CASP10: variants seen among roughly 807,000 people sequenced by gnomAD.
CASP10 encodes caspase-10.
CASP10 carries 41 observed loss-of-function variants against 48.5 expected under a neutral mutation model. The ratio of observed to expected loss-of-function variants is 0.85; its 90% CI spans 0.66 to 1.10. The LOEUF (loss-of-function observed/expected upper bound fraction) is 1.10. Ranked by LOEUF, CASP10 falls within the 50% of genes least tolerant of loss-of-function variation. The pLI is 0.00. For missense variants in CASP10, 614 were observed against 614.5 expected (o/e 1.00, Z 0.01); for synonymous variants, 232 against 238.4 (o/e 0.97, Z 0.25).
At chr2:201,208,985 A>G in intron 8 of CASP10, 85 bp from the exon 9 acceptor site, 1 of 1,467,592 alleles carries the variant, frequency 6.8e-7, no homozygotes, top group Non-Finnish European at 9.3e-7. Flanking sequence ...GCCTTGTTTC[A>G]GTTCTTCATT....
intron 7 of CASP10, 47 bp from the exon 8 acceptor site, chr2:201,208,028 G>T (rs201083784): frequency 7.5e-7 from 1 of 1,341,748 alleles, no homozygotes; most frequent in Non-Finnish European, 1.1e-6. Flanking sequence ...AACATTTAAG[G>T]CCCTAAGATA....
Position 201,208,162 on chromosome 2 carries a change from C to A in CASP10, c.901C>A (p.Gln301Lys), listed in dbSNP as rs936253557. 4 of 1,613,716 alleles carry A rather than the reference C, an allele frequency of 2.5e-6. No individual in the cohort carries two copies. Among genetic ancestry groups the A allele is most frequent in the Non-Finnish European group, 3.4e-6 (4 of 1,179,792 alleles). The change falls in exon 8 of 10, where the codon CAA becomes AAA. Residue 301 changes from glutamine to lysine, a missense_variant. Coordinates refer to ENST00000286186, the MANE Select transcript of CASP10 (RefSeq NM_032977.4). ...NHSFTSLKDR[Q>K]GTHKDAEILS... ...CAGCTTTACCTCCCTGAAGGACAGA[C>A]AAGGAACCCATAAAGATGCTGGTAA...
In CASP10 at chr2:201,208,075, A is replaced by G. The variant is rs767555790; in HGVS notation, c.814A>G (p.Arg272Gly). 2 of 1,611,284 alleles carry G rather than the reference A, an allele frequency of 1.2e-6. No homozygotes were observed. Among genetic ancestry groups the G allele is most frequent in the Non-Finnish European group, 1.7e-6 (2 of 1,177,644 alleles). Residue 272 changes from arginine (R) to glycine (G), a missense_variant and splice_region_variant, in exon 8 of 10, where the codon AGG becomes GGG. Transcript: ENST00000286186. Reference sequence around the variant, plus strand: ...TAAGTGGCTCTATCTATTCTTCAAGAGGGCAGCTGTGTACAGGATGAATCG... The same window carrying G: ...TAAGTGGCTCTATCTATTCTTCAAGGGGGCAGCTGTGTACAGGATGAATCG... ...NTLNSETSTK[R>G]AAVYRMNRNH...
At chr2:201,209,042 T>TC (rs764467369) in intron 8 of CASP10, 28 bp from the exon 9 acceptor site, 340 of 336,088 alleles carry the variant, frequency 1.0e-3, no homozygotes, top group African/African-American at 4.9e-3. Flanking sequence ...TCTCTCTCTC[T>TC]TTTTTTTTTT....
rs1286201911 is a variant in CASP10, at chr2:201,219,516, C to T, written c.*1775C>T. On this transcript the variant is annotated 3_prime_UTR_variant, in exon 10 of 10. Transcript: ENST00000286186. ...GCAGTGGACAGTCCCCACCTTGTTACTGCTACTACACTTTGCTCCTCTGGC... is the reference window on the plus strand; with the variant it reads ...GCAGTGGACAGTCCCCACCTTGTTATTGCTACTACACTTTGCTCCTCTGGC... 17 of 985,386 alleles carry T rather than the reference C, an allele frequency of 1.7e-5. No homozygotes were observed. Among genetic ancestry groups the T allele is most frequent in the Non-Finnish European group, 2.0e-5 (17 of 829,948 alleles). The allele number at this position is 985,386 out of a possible 1,614,324, so 61.0% of individuals were successfully genotyped here. A position where few individuals can be genotyped will look rare whatever the true frequency, so the allele number is the denominator to read the frequency against.
At chr2:201,197,987 C>T (rs1352740313) in intron 5 of CASP10, among the ~76,000 whole-genome samples, 1 of 152,296 alleles carries the variant, frequency 6.6e-6, no homozygotes, top group Non-Finnish European at 1.5e-5. Flanking sequence ...GTGCACACAT[C>T]CTCAGCAACA....
chr2:201,217,221 G>C (rs1198692757), intron 9 of CASP10, among the ~76,000 whole-genome samples: 2 of 152,096 alleles, frequency 1.3e-5, no homozygotes, highest in Non-Finnish European at 2.9e-5. Context: ...CATGGTACCT[G>C]GTGTCTTTTC....
chr2:201,199,504 A>G (rs2126030388), intron 5 of CASP10, among the ~76,000 whole-genome samples: 1 of 152,174 alleles, frequency 6.6e-6, no homozygotes, highest in East Asian at 1.9e-4. Context: ...AATAAAAATT[A>G]AAAATACAAT....
At position 201,193,009 on chromosome 2, in the gene CASP10, T is replaced by C. The variant is rs770690231; in HGVS notation, c.467T>C (p.Leu156Pro). The C allele has an allele frequency of 6.2e-7, 1 of 1,613,754 alleles. No individual in the cohort carries two copies. The highest frequency in any genetic ancestry group is 8.5e-7 in the Non-Finnish European group (1 of 1,179,742). Residue 156 changes from leucine to proline, a missense_variant, in exon 4 of 10, where the codon CTA becomes CCA. Leu to Pro is a moderately conservative substitution (Grantham distance 98). Coordinates refer to ENST00000286186, the MANE Select transcript of CASP10 (RefSeq NM_032977.4). Reference sequence around the variant, plus strand: ...ACCTCCCTAAGTTTCCTGGCATTTCTAGAGAAACAAGGTAAAATAGATGAA... The same window carrying C: ...ACCTCCCTAAGTTTCCTGGCATTTCCAGAGAAACAAGGTAAAATAGATGAA... ...EMTSLSFLAF[L>P]EKQGKIDEDN... is the part of the protein sequence containing the mutation.
chr2:201,218,418 T>C lies in CASP10; in HGVS notation c.*677T>C. ...CCCAGGTTCAAGCGATCCTCCCACC[T>C]CAGCCTCCCAAGTAGCTGAGACTAC... is the stretch of plus-strand genomic sequence containing the variant. On this transcript the variant is annotated 3_prime_UTR_variant, in exon 10 of 10. Transcript: ENST00000286186. The C allele has an allele frequency of 2.5e-6, 2 of 794,138 alleles. No individual in the cohort carries two copies. Among genetic ancestry groups the C allele is most frequent in the Non-Finnish European group, 3.1e-6 (2 of 655,502 alleles). 49.2% of individuals were successfully genotyped at this position (794,138 alleles called of 1,614,324 possible). A position where few individuals can be genotyped will look rare whatever the true frequency, so the allele number is the denominator to read the frequency against.
chr2:201,207,956 C>T, intron 7 of CASP10, 119 bp from the exon 8 acceptor site: 1 of 738,754 alleles, frequency 1.4e-6, no homozygotes, highest in Non-Finnish European at 2.5e-6. Flanking sequence ...GTTTAAACAA[C>T]TGGCATGGGG....
chr2:201,195,968 G>A lies in CASP10; in HGVS notation c.684+20G>A, dbSNP rs772487302. 6.4e-5 allele frequency: 98 copies of A among 1,540,520 alleles called. No individual in the cohort carries two copies. Among genetic ancestry groups the A allele is most frequent in the Non-Finnish European group, 8.8e-5 (98 of 1,113,658 alleles). ...TTACCGGTAGGTTCAGTGGTGTGCT[G>A]GTCAATGCTTAACAACCGGCTCCAC... On this transcript the variant is annotated intron_variant, in intron 5 of 9. Coordinates refer to ENST00000286186, the MANE Select transcript of CASP10 (RefSeq NM_032977.4).
rs939516462 is a variant in CASP10 at position 201,218,591 on chromosome 2, T to G, written c.*850T>G. ...TTCTGGGACTACAGGCATGAAATAC[T>G]GTGCCTGGCCTGGGGACCAGGTGCA... On this transcript the variant is annotated 3_prime_UTR_variant, in exon 10 of 10. Transcript: ENST00000286186. 3.0e-6 allele frequency: 3 copies of G among 985,156 alleles called. No homozygotes were observed. The African/African-American group carries it at 5.2e-5, about 17-fold the overall frequency. The allele number at this position is 985,156 out of a possible 1,614,324, so 61.0% of individuals were successfully genotyped here.
chr2:201,209,196 G>A lies in CASP10; in HGVS notation c.1049G>A (p.Cys350Tyr), dbSNP rs769103016. 6.2e-7 allele frequency: 1 copy of A among 1,613,322 alleles called. No individual in the cohort carries two copies. The highest frequency in any genetic ancestry group is 8.5e-7 in the Non-Finnish European group (1 of 1,179,366). The change falls in exon 9 of 10, where the codon TGC becomes TAC. Residue 350 changes from cysteine to tyrosine, a missense_variant. Coordinates refer to ENST00000286186, the MANE Select transcript of CASP10 (RefSeq NM_032977.4). ...AATCCAGCCCATGCCGACGGGGACT[G>A]CTTCGTGTTCTGTATTCTGACCCAT... ...KCNPAHADGD[C>Y]FVFCILTHGR...
rs1458648443 is a variant in CASP10 at position 201,221,152 on chromosome 2, CTT to C, written c.*3413_*3414del. ...TTCCTTTGTGCGTAATTCCAGCTGACTTTATTAGCGGCAACTCAGCACTAGCA... is the reference window on the plus strand; with the variant it reads ...TTCCTTTGTGCGTAATTCCAGCTGACTATTAGCGGCAACTCAGCACTAGCA... On this transcript the variant is annotated 3_prime_UTR_variant, in exon 10 of 10. Coordinates refer to ENST00000286186, the MANE Select transcript of CASP10 (RefSeq NM_032977.4). 12 of 985,426 alleles carry C rather than the reference CTT, an allele frequency of 1.2e-5. No individual in the cohort carries two copies. The highest frequency in any genetic ancestry group is 1.3e-5 in the Non-Finnish European group (11 of 829,928). 61.0% of individuals were successfully genotyped at this position (985,426 alleles called of 1,614,324 possible).
At position 201,217,987 on chromosome 2, in the gene CASP10, C is replaced by A; in HGVS notation, c.*246C>A. The A allele has an allele frequency of 9.2e-7, 1 of 1,082,256 alleles. No homozygotes were observed. Among genetic ancestry groups the A allele is most frequent in the Non-Finnish European group, 1.2e-6 (1 of 822,222 alleles). 67.0% of individuals were successfully genotyped at this position (1,082,256 alleles called of 1,614,324 possible). ...GGAGTGCAGGGGGGCAATCACGGCTCACTGTAGTCTCGACCTCCCAGGCTC... is the reference window on the plus strand; with the variant it reads ...GGAGTGCAGGGGGGCAATCACGGCTAACTGTAGTCTCGACCTCCCAGGCTC... On this transcript the variant is annotated 3_prime_UTR_variant, in exon 10 of 10. Coordinates refer to ENST00000286186, the MANE Select transcript of CASP10 (RefSeq NM_032977.4).
intron 4 of CASP10, among the ~76,000 whole-genome samples, chr2:201,194,970 G>A (rs901935990): frequency 1.3e-5 from 2 of 152,064 alleles, no homozygotes; most frequent in Non-Finnish European, 2.9e-5. Flanking sequence ...GTAGAGATGG[G>A]ATTTCACCAT....
intron 2 of CASP10, among the ~76,000 whole-genome samples, chr2:201,186,989 A>G (rs1401002848): frequency 6.6e-6 from 1 of 152,188 alleles, no homozygotes; most frequent in African/African-American, 2.4e-5. Flanking sequence ...TGCCAGGCTG[A>G]TGACAGTGTT....
At chr2:201,200,528 C>A (rs540969592) in intron 5 of CASP10, 2 of 1,597,860 alleles carry the variant, frequency 1.3e-6, no homozygotes, top group African/African-American at 2.7e-5. Flanking sequence ...AAAGGCTGGG[C>A]AAACGCCCAC....
Sources: allele counts gnomAD v4.1 joint callset (sites outside exome capture counted in the v4.1 genomes callset), GRCh38; gene constraint gnomAD v4.1.1; transcripts MANE v1.5; gene names NCBI Gene and HGNC (gene_info 2026-07-23, HGNC 2026-07-21).